The following NEK7 variants were observed in gnomAD, a reference collection of about 807,000 sequenced individuals.
NEK7 encodes serine/threonine-protein kinase Nek7.
NEK7 carries 18 observed loss-of-function variants against 44.6 expected under a neutral mutation model. That is an observed-to-expected ratio of 0.40 (90% CI 0.28 to 0.60). The LOEUF is 0.60. Among genes scored for constraint, NEK7 ranks in the 20% least tolerant of loss-of-function variants. NEK7 has a pLI of 0.38. For missense variants in NEK7, 256 were observed against 366.5 expected (o/e 0.70, Z 2.46); for synonymous variants, 130 against 121.1 (o/e 1.07, Z -0.48).
intron 1 of NEK7, among the ~76,000 whole-genome samples, chr1:198,210,901 C>T (rs908167120): frequency 1.3e-5 from 2 of 151,240 alleles, no homozygotes; most frequent in African/African-American, 2.4e-5. Flanking sequence ...TACAGGCGCC[C>T]GCCACTACGC....
At chr1:198,223,138 AGT>A (rs1005989880) in intron 1 of NEK7, among the ~76,000 whole-genome samples, 9 of 104,678 alleles carry the variant, frequency 8.6e-5, no homozygotes, top group Non-Finnish European at 1.3e-4. Context: ...TTCAGAAAGG[AGT>A]TTGAATTTTT....
At chr1:198,174,370 TAA>T (rs11326750) in intron 1 of NEK7, among the ~76,000 whole-genome samples, 2 of 148,650 alleles carry the variant, frequency 1.3e-5, no homozygotes, top group Admixed American at 6.7e-5. Flanking sequence ...TTATGCTTGG[TAA>T]AAAAAAAAAT....
At chr1:198,200,602 G>A (rs1665402399) in intron 1 of NEK7, among the ~76,000 whole-genome samples, 1 of 150,410 alleles carries the variant, frequency 6.6e-6, no homozygotes, top group Non-Finnish European at 1.5e-5. Context: ...CCAGGCTGGA[G>A]TGCAGTGGCA....
intron 8 of NEK7, among the ~76,000 whole-genome samples, chr1:198,295,735 C>G (rs1210774460): frequency 1.3e-5 from 2 of 150,708 alleles, no homozygotes; most frequent in Non-Finnish European, 3.0e-5. Flanking sequence ...CACGGAGAGA[C>G]TATAGTTTAT....
At chr1:198,159,797 A>G (rs1209141216) in intron 1 of NEK7, among the ~76,000 whole-genome samples, 1 of 152,178 alleles carries the variant, frequency 6.6e-6, no homozygotes, top group Non-Finnish European at 1.5e-5. Context: ...ATGGCAGTGT[A>G]CTAGTAGAGG....
chr1:198,273,758 A>T (rs981099576), intron 5 of NEK7, among the ~76,000 whole-genome samples: 3 of 151,786 alleles, frequency 2.0e-5, no homozygotes, highest in African/African-American at 7.2e-5. Flanking sequence ...AATTGGATAT[A>T]TGAAGGATAA....
chr1:198,253,106 C>T lies in NEK7; in HGVS notation c.124C>T (p.Arg42Cys), dbSNP rs761194915. The T allele has an allele frequency of 4.3e-6, 7 of 1,611,620 alleles. No individual in the cohort carries two copies. Among genetic ancestry groups the T allele is most frequent in the East Asian group, 2.2e-5 (1 of 44,800 alleles). Residue 42 changes from arginine to cysteine, a missense_variant, in exon 3 of 10, where the codon CGC becomes TGC. This residue lies in a region of NEK7 where 96 missense variants were observed against 94.9 expected (regional missense o/e 1.01). Transcript: ENST00000367385. ...ANFRIEKKIG[R>C]GQFSEVYRAA... Reference sequence around the variant, plus strand: ...CTTTCGAATAGAAAAGAAAATTGGTCGCGGACAATTTAGTGAAGTTTATAG... The same window carrying T: ...CTTTCGAATAGAAAAGAAAATTGGTTGCGGACAATTTAGTGAAGTTTATAG...
At chr1:198,289,133 G>GTGTA (rs1553256312) in intron 7 of NEK7, among the ~76,000 whole-genome samples, 1 of 3,024 alleles carries the variant, frequency 3.3e-4, no homozygotes, top group Non-Finnish European at 4.7e-4. Flanking sequence ...CCCTGAAGTT[G>GTGTA]TGTGTGTGTG....
intron 5 of NEK7, among the ~76,000 whole-genome samples, chr1:198,269,798 C>G (rs567169752): frequency 2.5e-4 from 38 of 152,038 alleles, no homozygotes; most frequent in Non-Finnish European, 5.0e-4. Context: ...CAGTATTTCT[C>G]TAATTAGTGA....
chr1:198,220,645 T>A (rs10801654), intron 1 of NEK7, among the ~76,000 whole-genome samples: 77,881 of 151,808 alleles, frequency 0.51, 23,265 homozygotes, highest in East Asian at 0.9. Flanking sequence ...TGGAGGCAGG[T>A]GAGTGAGGTC....
At chr1:198,282,500 G>A (rs1216182120) in intron 7 of NEK7, among the ~76,000 whole-genome samples, 4 of 152,104 alleles carry the variant, frequency 2.6e-5, no homozygotes, top group Non-Finnish European at 5.9e-5. Flanking sequence ...TGCATGCTCT[G>A]TAGGACCTTT....
intron 1 of NEK7, among the ~76,000 whole-genome samples, chr1:198,210,770 T>TTTTG: frequency 8.0e-6 from 1 of 125,660 alleles, no homozygotes; most frequent in African/African-American, 3.4e-5. Flanking sequence ...TTTTTTTTTT[T>TTTTG]GAGACGGAGT....
chr1:198,318,999 T>C (rs1320621654), intron 9 of NEK7, among the ~76,000 whole-genome samples: 1 of 152,136 alleles, frequency 6.6e-6, no homozygotes, highest in Non-Finnish European at 1.5e-5. Flanking sequence ...TCAACTCTAA[T>C]TGCCTTCCAT....
intron 9 of NEK7, among the ~76,000 whole-genome samples, chr1:198,314,416 GTCT>G (rs1285166124): frequency 2.0e-5 from 3 of 152,310 alleles, no homozygotes; most frequent in Admixed American, 6.5e-5. Context: ...ATCGTCTGAA[GTCT>G]TCTTCTCTCA....
chr1:198,254,492 C>T (rs571076020), intron 3 of NEK7, among the ~76,000 whole-genome samples: 41 of 152,200 alleles, frequency 2.7e-4, no homozygotes, highest in South Asian at 1.9e-3. Context: ...CACATAGCTT[C>T]GTGTTTGAGC....
rs554624386 is a variant in NEK7, at chr1:198,315,296, G to A, written c.799-4116G>A. 2.0e-3 allele frequency among the ~76,000 whole-genome samples: 307 copies of A among 152,236 alleles called. 1 individual carries two copies. The highest frequency in any genetic ancestry group is 7.2e-3 in the African/African-American group (297 of 41,526). Reference sequence around the variant, plus strand: ...GCAATGCCTCGCCCTGCTTCGGCTCGCGCATGGTGCGCGCACCCACTGACC... The same window carrying A: ...GCAATGCCTCGCCCTGCTTCGGCTCACGCATGGTGCGCGCACCCACTGACC... On this transcript the variant is annotated intron_variant, in intron 9 of 9. Coordinates refer to ENST00000367385, the MANE Select transcript of NEK7 (RefSeq NM_133494.3).
intron 2 of NEK7, among the ~76,000 whole-genome samples, chr1:198,237,690 C>T (rs891086802): frequency 5.9e-5 from 9 of 152,190 alleles, no homozygotes; most frequent in African/African-American, 2.2e-4. Flanking sequence ...CTTTCATCCT[C>T]GCTCCTTTCC....
chr1:198,159,051 G>C (rs3748739), intron 1 of NEK7, among the ~76,000 whole-genome samples: 26,030 of 152,146 alleles, frequency 0.17, 2,839 homozygotes, highest in East Asian at 0.58. Flanking sequence ...TAGTGTTAAG[G>C]GGGAGGAAGG....
intron 2 of NEK7, among the ~76,000 whole-genome samples, chr1:198,250,348 G>T (rs1455664338): frequency 2.0e-5 from 3 of 152,068 alleles, no homozygotes; most frequent in Admixed American, 1.3e-4. Flanking sequence ...GCTTAGAATT[G>T]ACTTGGCGAT....
Sources: gnomAD v4.1 joint callset for allele counts (sites outside exome capture counted in the v4.1 genomes callset) on GRCh38, gnomAD v4.1.1 for gene constraint, gnomAD v4.1.1 regional missense constraint, MANE v1.5 for transcripts, NCBI Gene and HGNC (gene_info 2026-07-23, HGNC 2026-07-21) for gene names.